Variants in DOCK7 observed in about 807,000 individuals in gnomAD.
The protein encoded by DOCK7 is dedicator of cytokinesis 7, also known as dedicator of cytokinesis protein 7.
Under a neutral mutation model 271.0 loss-of-function variants are expected in DOCK7, and 138 were observed. That is an observed-to-expected ratio of 0.51 (90% CI 0.44 to 0.59). The LOEUF is 0.59. Among genes scored for constraint, DOCK7 ranks in the 20% least tolerant of loss-of-function variants. The pLI is 0.00. For synonymous variants in DOCK7, 823 were observed against 876.1 expected (o/e 0.94, Z 1.07); for missense variants, 2,066 against 2,592.4 (o/e 0.80, Z 4.41).
intron 16 of DOCK7, 36 bp downstream of exon 16, chr1:62,583,148 G>A (rs535637523): frequency 7.2e-6 from 11 of 1,537,598 alleles, no homozygotes; most frequent in South Asian, 5.7e-5. Context: ...CCACTGAGAA[G>A]TGAGTAACTT....
At chr1:62,579,945 C>A (rs893062304) in intron 16 of DOCK7, among the ~76,000 whole-genome samples, 15 of 152,060 alleles carry the variant, frequency 9.9e-5, no homozygotes, top group African/African-American at 3.1e-4. Context: ...ATGACACTTT[C>A]TTCTCAATAT....
At chr1:62,597,140 A>G (rs191086880) in intron 14 of DOCK7, among the ~76,000 whole-genome samples, 1 of 152,310 alleles carries the variant, frequency 6.6e-6, no homozygotes, top group Admixed American at 6.5e-5. Flanking sequence ...ACTAAAGTAC[A>G]GTTTGAGAAA....
intron 7 of DOCK7, among the ~76,000 whole-genome samples, chr1:62,645,293 A>C (rs1571885804): frequency 6.6e-6 from 1 of 152,200 alleles, no homozygotes; most frequent in East Asian, 1.9e-4. Flanking sequence ...ATTACTGATT[A>C]ATAGATAAAT....
intron 7 of DOCK7, 125 bp from the exon 8 acceptor site, chr1:62,636,728 T>C (rs949119524): frequency 5.7e-6 from 4 of 700,520 alleles, no homozygotes; most frequent in Admixed American, 3.1e-5. Context: ...CCTTTGCCTA[T>C]ATTAAAACTT....
At chr1:62,580,912 T>C (rs1413295469) in intron 16 of DOCK7, among the ~76,000 whole-genome samples, 1 of 152,152 alleles carries the variant, frequency 6.6e-6, no homozygotes, top group Non-Finnish European at 1.5e-5. Context: ...AAATTCAAAT[T>C]TCAATGTCCA....
intron 31 of DOCK7, among the ~76,000 whole-genome samples, chr1:62,520,098 A>G (rs1644801000): frequency 6.6e-6 from 1 of 152,126 alleles, no homozygotes; most frequent in African/African-American, 2.4e-5. Flanking sequence ...ACAAAAATTA[A>G]CTCGAGATGG....
intron 21 of DOCK7, among the ~76,000 whole-genome samples, chr1:62,553,469 T>C (rs567604960): frequency 1.4e-5 from 2 of 145,790 alleles, no homozygotes; most frequent in East Asian, 4.1e-4. Flanking sequence ...AATCTTGGAC[T>C]CCTGGACTCC....
intron 2 of DOCK7, among the ~76,000 whole-genome samples, chr1:62,658,210 T>G (rs933391340): frequency 6.6e-6 from 1 of 151,594 alleles, no homozygotes; most frequent in Non-Finnish European, 1.5e-5. Flanking sequence ...TCCTAGCACT[T>G]TGGGAGGCAG....
intron 39 of DOCK7, 25 bp downstream of exon 39, chr1:62,495,556 C>G: frequency 6.7e-7 from 1 of 1,495,330 alleles, no homozygotes; most frequent in East Asian, 2.4e-5. Flanking sequence ...TTATACAAAG[C>G]ATAAATGAAT....
At chr1:62,503,023 G>C (rs1380767024) in intron 37 of DOCK7, among the ~76,000 whole-genome samples, 2 of 151,918 alleles carry the variant, frequency 1.3e-5, no homozygotes, top group Non-Finnish European at 2.9e-5. Context: ...TGAAATTCAG[G>C]CCAAAAAATA....
intron 1 of DOCK7, among the ~76,000 whole-genome samples, chr1:62,674,973 CT>C (rs1660386301): frequency 6.6e-6 from 1 of 151,988 alleles, no homozygotes; most frequent in East Asian, 1.9e-4. Context: ...AATTGAAAAC[CT>C]TTGTGCTTCA....
chr1:62,528,125 A>G lies in DOCK7; in HGVS notation c.3936+26T>C, dbSNP rs533273939. ...TAAATATTTGTCTTTCTAGAAAAAA[A>G]AATTCTGTAGGAGGATTGTTTTTAC... On this transcript the variant is annotated intron_variant, in intron 31 of 49. Transcript: ENST00000635253. 368 of 1,583,728 alleles carry G rather than the reference A, an allele frequency of 2.3e-4. 2 individuals carry two copies. The South Asian group carries it at 3.7e-3, about 16-fold the overall frequency.
At chr1:62,684,857 C>A (rs77240935) in intron 1 of DOCK7, among the ~76,000 whole-genome samples, 1 of 152,048 alleles carries the variant, frequency 6.6e-6, no homozygotes. Flanking sequence ...CAGAAATCAC[C>A]AAATCACAGC....
chr1:62,626,722 A>G (rs547734878), intron 11 of DOCK7, among the ~76,000 whole-genome samples: 2 of 152,284 alleles, frequency 1.3e-5, no homozygotes, highest in Non-Finnish European at 2.9e-5. Flanking sequence ...AAATGTGAAT[A>G]GACCTAAAAC....
intron 37 of DOCK7, among the ~76,000 whole-genome samples, chr1:62,496,713 AAGTCATGTG>A (rs1646632928): frequency 1.3e-5 from 2 of 152,174 alleles, no homozygotes; most frequent in Non-Finnish European, 1.5e-5. Context: ...GGATTTTAAG[AAGTCATGTG>A]TTAAGGGTTG....
intron 29 of DOCK7, among the ~76,000 whole-genome samples, chr1:62,533,160 T>G (rs1645231589): frequency 6.6e-6 from 1 of 152,144 alleles, no homozygotes; most frequent in Non-Finnish European, 1.5e-5. Flanking sequence ...TCTTGCCTAT[T>G]AAACTTTCTG....
chr1:62,625,097 G>A (rs757632912), intron 12 of DOCK7, 162 bp downstream of exon 12: 34 of 519,530 alleles, frequency 6.5e-5, no homozygotes, highest in Middle Eastern at 5.1e-4. Flanking sequence ...AATATAAATC[G>A]TTTCTCATTC....
At chr1:62,508,476 T>C (rs1644379735) in intron 34 of DOCK7, among the ~76,000 whole-genome samples, 1 of 152,220 alleles carries the variant, frequency 6.6e-6, no homozygotes, top group African/African-American at 2.4e-5. Context: ...ATAAATGTAC[T>C]TAATTTGTCT....
Position 62,583,166 on chromosome 1 carries a change from A to C in DOCK7, c.1871+18T>G. On this transcript the variant is annotated intron_variant, in intron 16 of 49. Coordinates refer to ENST00000635253, the MANE Select transcript of DOCK7 (RefSeq NM_001367561.1). ...CTGAGAAGTGAGTAACTTTGAAAGAAATATTTGAATTCAGTACCTGTTATG... is the reference window on the plus strand; with the variant it reads ...CTGAGAAGTGAGTAACTTTGAAAGACATATTTGAATTCAGTACCTGTTATG... The C allele has an allele frequency of 1.9e-6, 3 of 1,595,770 alleles. No homozygotes were observed. The highest frequency in any genetic ancestry group is 1.7e-4 in the Middle Eastern group (1 of 6,006).
Sources: gnomAD v4.1 joint callset for allele counts (sites outside exome capture counted in the v4.1 genomes callset) on GRCh38, gnomAD v4.1.1 for gene constraint, MANE v1.5 for transcripts, NCBI Gene and HGNC (gene_info 2026-07-23, HGNC 2026-07-21) for gene names.